Variants in KIFC3 observed in about 807,000 individuals in gnomAD.
KIFC3 encodes kinesin family member C3.
A neutral mutation model predicts 101.8 loss-of-function variants in KIFC3; 60 were observed. The observed-to-expected ratio is 0.59, with a 90% CI of 0.48 to 0.73. KIFC3 has a LOEUF of 0.73. Ranked by LOEUF, KIFC3 falls within the 30% of genes least tolerant of loss-of-function variation. The pLI, the probability that KIFC3 is intolerant of heterozygous loss-of-function variation, is 0.00. For synonymous variants in KIFC3, 476 were observed against 482.7 expected (o/e 0.99, Z 0.18); for missense variants, 966 against 1,137.1 (o/e 0.85, Z 2.16).
intron 3 of KIFC3, chr16:57,775,851 C>A: frequency 8.1e-6 from 8 of 985,542 alleles, no homozygotes; most frequent in Non-Finnish European, 8.4e-6. Flanking sequence ...ACGGACCAGG[C>A]TGGGGCTGTG....
At chr16:57,790,581 G>A (rs376994890) in intron 3 of KIFC3, among the ~76,000 whole-genome samples, 2 of 152,284 alleles carry the variant, frequency 1.3e-5, no homozygotes, top group East Asian at 3.9e-4. Flanking sequence ...CGGCTAAGCT[G>A]TGTGACGGTC....
intron 1 of KIFC3, among the ~76,000 whole-genome samples, chr16:57,839,920 AACTC>A (rs1365469499): frequency 1.3e-5 from 2 of 151,998 alleles, no homozygotes; most frequent in Non-Finnish European, 2.9e-5. Context: ...TTCCATTAAC[AACTC>A]CACTCTCCGC....
exon 1 of KIFC3, chr16:57,862,764 G>C (rs1222113535): frequency 1.6e-6 from 2 of 1,289,552 alleles, no homozygotes; most frequent in Non-Finnish European, 2.0e-6. Context: ...TCCAATCTGA[G>C]GGTTTCCTGG....
intron 1 of KIFC3, among the ~76,000 whole-genome samples, chr16:57,856,172 T>C (rs1351700398): frequency 6.8e-6 from 1 of 146,694 alleles, no homozygotes; most frequent in Non-Finnish European, 1.5e-5. Flanking sequence ...TAACTAAAAT[T>C]TAAATTTAAA....
rs200720323 is a variant in KIFC3 at position 57,793,604 on chromosome 16, A to C, written c.315+1395T>G. Among the ~76,000 whole-genome samples the C allele has an allele frequency of 7.0e-3, 918 of 131,428 alleles. 11 individuals are homozygous for C. The highest frequency in any genetic ancestry group is 0.039 in the South Asian group (161 of 4,162). The allele number at this position is 131,428 out of a possible 152,430, so 86.2% of individuals were successfully genotyped here. The stretch of plus-strand genomic sequence containing the variant: ...CGAGACTCTGTCTCAAAAAAAAAAA[A>C]CAAAAAAAGAGTTCAAGACCAGCCT... On this transcript the variant is annotated intron_variant, in intron 3 of 19. Transcript: ENST00000445690.
intron 3 of KIFC3, chr16:57,775,113 T>C: frequency 7.1e-7 from 1 of 1,413,726 alleles, no homozygotes; most frequent in Non-Finnish European, 9.2e-7. Flanking sequence ...GGTTCTGTTC[T>C]GTCCTTGCAT....
intron 3 of KIFC3, among the ~76,000 whole-genome samples, chr16:57,787,729 C>T (rs993590948): frequency 6.6e-6 from 1 of 152,146 alleles, no homozygotes; most frequent in African/African-American, 2.4e-5. Flanking sequence ...CTGGCCTGCC[C>T]ACACTCAGCC....
At position 57,802,313 on chromosome 16, in the gene KIFC3, G is replaced by T. The variant is rs1359957653; in HGVS notation, c.-40+57C>A. ...CCCGGACGCGGCGCCCCAAACGGCG[G>T]GCCGGGCAGAGCCCAGCGCCCCGCT... On this transcript the variant is annotated intron_variant, in intron 1 of 19. Coordinates refer to ENST00000445690, the MANE Select transcript of KIFC3 (RefSeq NM_001130100.2). The surrounding 1 kb of genome is among the most constrained non-coding windows in gnomAD (Gnocchi z 5.0). 14 of 892,312 alleles carry T rather than the reference G, an allele frequency of 1.6e-5. No homozygotes were observed. Among genetic ancestry groups the T allele is most frequent in the Non-Finnish European group, 1.9e-5 (14 of 745,566 alleles). 55.3% of individuals were successfully genotyped at this position (892,312 alleles called of 1,614,324 possible). A position where few individuals can be genotyped will look rare whatever the true frequency, so the allele number is the denominator to read the frequency against.
intron 3 of KIFC3, chr16:57,774,726 C>T: frequency 2.1e-6 from 1 of 486,506 alleles, no homozygotes; most frequent in Non-Finnish European, 3.4e-6. Context: ...AGGGTCTTGC[C>T]ATTTTGCCCA....
chr16:57,795,710 C>T (rs113303214), intron 2 of KIFC3, among the ~76,000 whole-genome samples: 3 of 152,062 alleles, frequency 2.0e-5, no homozygotes, highest in Non-Finnish European at 2.9e-5. Context: ...CAGCAATGCC[C>T]CAGCCACCCA....
intron 2 of KIFC3, among the ~76,000 whole-genome samples, chr16:57,795,480 G>C (rs1276985724): frequency 1.3e-5 from 2 of 152,248 alleles, no homozygotes; most frequent in Non-Finnish European, 1.5e-5. Flanking sequence ...TTGCCAGCCA[G>C]CCTGCATGAA....
chr16:57,828,044 G>C (rs1238741553), intron 1 of KIFC3, among the ~76,000 whole-genome samples: 1 of 152,222 alleles, frequency 6.6e-6, no homozygotes, highest in African/African-American at 2.4e-5. Context: ...CATGCCACCA[G>C]TAAGGAGCAG....
In KIFC3 at chr16:57,771,536, T is replaced by G. The variant is rs887539846; in HGVS notation, c.525+7A>C. 1.9e-6 allele frequency: 3 copies of G among 1,612,374 alleles called. No individual in the cohort carries two copies. Among genetic ancestry groups the G allele is most frequent in the South Asian group, 1.1e-5 (1 of 90,968 alleles). ...ACCAGCATGGGGACCACGGCCATTCTGCTCACCTGGCTGTGCTCACAACCT... is the reference window on the plus strand; with the variant it reads ...ACCAGCATGGGGACCACGGCCATTCGGCTCACCTGGCTGTGCTCACAACCT... On this transcript the variant is annotated splice_region_variant and intron_variant, in intron 5 of 19. Coordinates refer to ENST00000445690, the MANE Select transcript of KIFC3 (RefSeq NM_001130100.2).
chr16:57,790,884 C>T, intron 3 of KIFC3: 1 of 984,574 alleles, frequency 1.0e-6, no homozygotes, highest in Non-Finnish European at 1.2e-6. Context: ...CCCCCTCCCT[C>T]TCTCGACCCA....
At chr16:57,797,347 C>T (rs532436825) in intron 2 of KIFC3, among the ~76,000 whole-genome samples, 68 of 152,362 alleles carry the variant, frequency 4.5e-4, no homozygotes, top group Non-Finnish European at 8.2e-4. Context: ...CCAGGGCGAC[C>T]TGCCCACGCC....
chr16:57,800,012 C>G (rs1555624984), intron 1 of KIFC3, among the ~76,000 whole-genome samples: 3 of 151,382 alleles, frequency 2.0e-5, no homozygotes, highest in African/African-American at 7.3e-5. Context: ...GGGTGTTTGG[C>G]TAGGATGGGA....
intron 3 of KIFC3, among the ~76,000 whole-genome samples, chr16:57,772,690 G>T (rs1034478816): frequency 1.3e-5 from 2 of 152,034 alleles, no homozygotes; most frequent in Non-Finnish European, 2.9e-5. Context: ...CTTTAAAAGG[G>T]CCCCCAGATG....
chr16:57,771,671 C>A lies in KIFC3; in HGVS notation c.397G>T (p.Glu133Ter). ...LRSELGGTDL[E>*]KHRDLLMVEN... ...ACCATCAGCAGGTCCCGGTGCTTCTCCAAGTCGGTGCCCCCCTGCAGAGAG... is the reference window on the plus strand; with the variant it reads ...ACCATCAGCAGGTCCCGGTGCTTCTACAAGTCGGTGCCCCCCTGCAGAGAG... Residue 133 changes from glutamate (E) to a stop codon, truncating the protein, a stop_gained, in exon 5 of 20, where the codon GAG (glutamate) becomes TAG (stop). Transcript: ENST00000445690. LOFTEE classifies it high-confidence loss of function. 1 of 1,612,104 alleles carries A rather than the reference C, an allele frequency of 6.2e-7. No homozygotes were observed.
intron 1 of KIFC3, among the ~76,000 whole-genome samples, chr16:57,841,341 T>G (rs2149312271): frequency 6.6e-6 from 1 of 152,226 alleles, no homozygotes; most frequent in East Asian, 1.9e-4. Flanking sequence ...CCAGAAGAGC[T>G]GCCACCCTCC....
Sources: gnomAD v4.1 joint callset for allele counts (sites outside exome capture counted in the v4.1 genomes callset) on GRCh38, gnomAD v4.1.1 for gene constraint, Gnocchi (gnomAD v3.1) non-coding constraint, MANE v1.5 for transcripts, NCBI Gene and HGNC (gene_info 2026-07-23, HGNC 2026-07-21) for gene names.